UTRN: variants seen among roughly 807,000 people sequenced by gnomAD.
UTRN encodes utrophin, also known as dystrophin-related protein 1.
In UTRN, 283 loss-of-function variants were observed where a neutral mutation model predicts 463.9. The observed-to-expected ratio is 0.61, with a 90% confidence interval of 0.55 to 0.67. The LOEUF (loss-of-function observed/expected upper bound fraction) is 0.67, where lower values mean the gene tolerates loss of function less well. Among genes scored for constraint, UTRN ranks in the 30% least tolerant of loss-of-function variants. The pLI, the probability that UTRN is intolerant of heterozygous loss-of-function variation, is 0.00. For missense variants in UTRN, 3,922 were observed against 4,084.3 expected (o/e 0.96, Z 1.08); for synonymous variants, 1,442 against 1,431.5 (o/e 1.01, Z -0.17).
chr6:144,760,231 G>A (rs538651882), intron 58 of UTRN, among the ~76,000 whole-genome samples: 122 of 152,038 alleles, frequency 8.0e-4, no homozygotes, highest in African/African-American at 2.8e-3. Context: ...GTTCTTGTGG[G>A]GCAGAGTTCT....
chr6:144,329,574 T>C (rs968347596), intron 2 of UTRN, among the ~76,000 whole-genome samples: 1 of 152,164 alleles, frequency 6.6e-6, no homozygotes, highest in African/African-American at 2.4e-5. Flanking sequence ...AGATACCTGC[T>C]AGAGTTGTAA....
intron 63 of UTRN, among the ~76,000 whole-genome samples, chr6:144,796,887 A>G (rs1187438715): frequency 6.6e-6 from 1 of 152,236 alleles, no homozygotes; most frequent in Non-Finnish European, 1.5e-5. Context: ...ATTTATAGTC[A>G]TACATGTAGG....
intron 66 of UTRN, among the ~76,000 whole-genome samples, chr6:144,824,605 TA>T (rs1562955027): frequency 0.018 from 918 of 49,964 alleles, 20 homozygotes; most frequent in East Asian, 0.033. Context: ...TATATATATA[TA>T]TATATATCTT....
chr6:144,533,400 C>T lies in UTRN; in HGVS notation c.6233+140C>T, dbSNP rs147746163. Reference sequence around the variant, plus strand: ...TGACATTTAAGACCTCCACTGCCCACGTTCTCCCTTCCTGTATTTTTAGGC... The same window carrying T: ...TGACATTTAAGACCTCCACTGCCCATGTTCTCCCTTCCTGTATTTTTAGGC... On this transcript the variant is annotated intron_variant, in intron 43 of 74. Transcript: ENST00000367545. 227 of 1,385,550 alleles carry T rather than the reference C, an allele frequency of 1.6e-4. 1 individual carries two copies. In the African/African-American group the frequency reaches 2.4e-3, roughly 15 times the overall value. The allele number at this position is 1,385,550 out of a possible 1,614,324, so 85.8% of individuals were successfully genotyped here.
intron 64 of UTRN, among the ~76,000 whole-genome samples, chr6:144,800,774 A>G (rs1777633445): frequency 6.8e-6 from 1 of 146,800 alleles, no homozygotes; most frequent in Non-Finnish European, 1.5e-5. Context: ...AGCTAAACCT[A>G]TGAGTGTGTT....
chr6:144,633,522 G>A (rs1328571872), intron 51 of UTRN, among the ~76,000 whole-genome samples: 4 of 152,142 alleles, frequency 2.6e-5, no homozygotes, highest in Admixed American at 1.3e-4. Context: ...GTGAGCCACC[G>A]CGCCCGGCCT....
intron 54 of UTRN, among the ~76,000 whole-genome samples, chr6:144,734,703 A>T (rs1457329357): frequency 6.6e-6 from 1 of 152,180 alleles, no homozygotes; most frequent in East Asian, 1.9e-4. Flanking sequence ...CTAAGCCCCC[A>T]CTACCCCTTG....
At chr6:144,596,869 A>G (rs192367749) in intron 51 of UTRN, among the ~76,000 whole-genome samples, 1 of 152,342 alleles carries the variant, frequency 6.6e-6, no homozygotes, top group Admixed American at 6.5e-5. Context: ...GTTGAGCATC[A>G]TAAAAGAACT....
intron 52 of UTRN, among the ~76,000 whole-genome samples, chr6:144,685,803 G>C (rs779229240): frequency 6.6e-6 from 1 of 152,076 alleles, no homozygotes; most frequent in Non-Finnish European, 1.5e-5. Flanking sequence ...TTTGTTGGGT[G>C]CATTGTTTAC....
chr6:144,357,028 G>C (rs1368443773), intron 2 of UTRN, among the ~76,000 whole-genome samples: 1 of 152,088 alleles, frequency 6.6e-6, no homozygotes, highest in East Asian at 1.9e-4. Flanking sequence ...ATAGCCTGTT[G>C]TAGGAAGAAA....
At chr6:144,329,828 CA>C (rs1776215891) in intron 2 of UTRN, among the ~76,000 whole-genome samples, 1 of 152,256 alleles carries the variant, frequency 6.6e-6, no homozygotes, top group African/African-American at 2.4e-5. Context: ...AGCAGTGTGC[CA>C]CAGAGTGTTT....
intron 3 of UTRN, 65 bp from the exon 4 acceptor site, chr6:144,421,813 C>G: frequency 6.4e-6 from 8 of 1,244,936 alleles, no homozygotes; most frequent in Non-Finnish European, 8.8e-6. Context: ...ATTTATTTGC[C>G]CAGGTATATA....
chr6:144,462,674 G>C lies in UTRN; in HGVS notation c.2874G>C (p.Glu958Asp). The change falls in exon 23 of 75, where the codon GAG becomes GAC. Residue 958 changes from glutamate to aspartate, a missense_variant. Physicochemically the swap from Glu to Asp is conservative, Grantham distance 45 (BLOSUM62 2). Coordinates refer to ENST00000367545, the MANE Select transcript of UTRN (RefSeq NM_007124.3). ...TCCAGACCCTTGATGAAATCCTTGA[G>C]AATCAGAAACCTGCATTACATAAAC... ...QEKKTLDEILENQKPALHKLA... is the reference protein window; with the variant it reads ...QEKKTLDEILDNQKPALHKLA... The C allele has an allele frequency of 6.2e-7, 1 of 1,600,696 alleles. No homozygotes were observed. The highest frequency in any genetic ancestry group is 1.1e-5 in the South Asian group (1 of 87,236).
intron 2 of UTRN, among the ~76,000 whole-genome samples, chr6:144,396,617 T>C (rs1358182420): frequency 1.3e-5 from 2 of 152,220 alleles, no homozygotes; most frequent in African/African-American, 4.8e-5. Context: ...ATATAGTAGG[T>C]GAATTTAAAT....
intron 51 of UTRN, among the ~76,000 whole-genome samples, chr6:144,613,167 A>G (rs2128643642): frequency 6.6e-6 from 1 of 152,178 alleles, no homozygotes; most frequent in South Asian, 2.1e-4. Flanking sequence ...TTGAATTAAT[A>G]GAAGTAGACA....
At chr6:144,809,892 G>GC (rs1778461323) in intron 65 of UTRN, among the ~76,000 whole-genome samples, 1 of 152,074 alleles carries the variant, frequency 6.6e-6, no homozygotes, top group South Asian at 2.1e-4. Flanking sequence ...ACAAAAGACA[G>GC]ATTAACAAGA....
At chr6:144,592,793 A>G (rs1384445481) in intron 51 of UTRN, among the ~76,000 whole-genome samples, 4 of 152,228 alleles carry the variant, frequency 2.6e-5, no homozygotes, top group Non-Finnish European at 4.4e-5. Flanking sequence ...AATACCAATT[A>G]AAAATATTTT....
At chr6:144,761,676 AAG>A (rs915324649) in intron 58 of UTRN, among the ~76,000 whole-genome samples, 4 of 151,868 alleles carry the variant, frequency 2.6e-5, no homozygotes, top group Non-Finnish European at 5.9e-5. Flanking sequence ...ATAATAAATA[AAG>A]AGAGAGAGAA....
At chr6:144,720,443 G>A (rs1179679197) in intron 53 of UTRN, among the ~76,000 whole-genome samples, 1 of 152,314 alleles carries the variant, frequency 6.6e-6, no homozygotes, top group East Asian at 1.9e-4. Context: ...AGCACCCTGA[G>A]TTCGAAGGAG....
Sources: allele counts gnomAD v4.1 joint callset (sites outside exome capture counted in the v4.1 genomes callset), GRCh38; gene constraint gnomAD v4.1.1; transcripts MANE v1.5; gene names NCBI Gene and HGNC (gene_info 2026-07-23, HGNC 2026-07-21).